The following PDXDC1 variants were observed in gnomAD, a reference collection of about 807,000 sequenced individuals.
PDXDC1 encodes the protein pyridoxal dependent decarboxylase domain containing 1.
In PDXDC1, 42 loss-of-function variants were observed where a neutral mutation model predicts 100.1. The observed-to-expected ratio is 0.42, with a 90% confidence interval of 0.33 to 0.54. PDXDC1 has a LOEUF of 0.54. Among genes scored for constraint, PDXDC1 ranks in the 20% least tolerant of loss-of-function variants. The pLI is 0.10. For synonymous variants in PDXDC1, 260 were observed against 371.7 expected, an observed-to-expected ratio of 0.70 and a Z score of 3.46; for missense variants, 636 against 979.2, an observed-to-expected ratio of 0.65 and a Z score of 4.68.
chr16:15,053,518 A>G (rs1291349935), intron 16 of PDXDC1, among the ~76,000 whole-genome samples: 4 of 152,254 alleles, frequency 2.6e-5, no homozygotes, highest in African/African-American at 9.6e-5. Context: ...AACCTTCATT[A>G]GGACTTTCAC....
intron 16 of PDXDC1, chr16:15,133,374 T>A (rs1442898024): frequency 9.7e-7 from 1 of 1,035,484 alleles, no homozygotes; most frequent in Non-Finnish European, 1.5e-6. Context: ...AGCCAGACTG[T>A]GAGCCCCATT....
At chr16:15,132,944 C>T (rs1332360952) in intron 16 of PDXDC1, 29 of 1,574,688 alleles carry the variant, frequency 1.8e-5, no homozygotes, top group Middle Eastern at 2.3e-4. Flanking sequence ...CAGATGCCCA[C>T]GACTCCCGGG....
intron 16 of PDXDC1, chr16:15,083,477 C>T: frequency 6.2e-7 from 1 of 1,606,178 alleles, no homozygotes; most frequent in Non-Finnish European, 8.5e-7. Context: ...GTACAAACAA[C>T]TTTTCCATGA....
At chr16:15,094,716 T>A (rs1156333229) in intron 16 of PDXDC1, 1 of 165,866 alleles carries the variant, frequency 6.0e-6, no homozygotes, top group Non-Finnish European at 1.3e-5. Flanking sequence ...AAGATAACGT[T>A]ATCCTCACGG....
downstream of PDXDC1, chr16:15,040,229 C>A (rs1567754738): frequency 6.7e-6 from 3 of 445,122 alleles, no homozygotes; most frequent in Admixed American, 1.3e-4. Context: ...AAAATGCAAC[C>A]TTTACCCCAA....
chr16:15,133,736 G>A (rs956328977), intron 16 of PDXDC1: 2 of 1,595,972 alleles, frequency 1.3e-6, no homozygotes, highest in Non-Finnish European at 1.7e-6. Flanking sequence ...TCACGGGAGG[G>A]CTCCGTGACG....
At chr16:15,133,029 C>G in intron 16 of PDXDC1, 1 of 1,096,808 alleles carries the variant, frequency 9.1e-7, no homozygotes, top group Non-Finnish European at 1.3e-6. Context: ...ATGGGCAAAA[C>G]AGGGTAAGCA....
intron 16 of PDXDC1, among the ~76,000 whole-genome samples, chr16:15,124,933 G>A (rs1331842237): frequency 5.3e-5 from 8 of 151,638 alleles, no homozygotes; most frequent in Non-Finnish European, 1.0e-4. Flanking sequence ...CGGATCACGA[G>A]GTTAGGAGTT....
chr16:15,124,000 G>T (rs1567288321), intron 16 of PDXDC1, among the ~76,000 whole-genome samples: 1 of 151,962 alleles, frequency 6.6e-6, no homozygotes, highest in Non-Finnish European at 1.5e-5. Context: ...CTGCCCGTGT[G>T]TGTGGACTTT....
chr16:15,061,673 A>G (rs2044715535), intron 16 of PDXDC1: 3 of 1,466,798 alleles, frequency 2.0e-6, no homozygotes, highest in Non-Finnish European at 2.8e-6. Flanking sequence ...CAATGGCACA[A>G]GCTGGGTGCT....
intron 19 of PDXDC1, among the ~76,000 whole-genome samples, chr16:15,033,785 A>T (rs2043220231): frequency 6.6e-6 from 1 of 151,990 alleles, no homozygotes; most frequent in Non-Finnish European, 1.5e-5. Flanking sequence ...TTCCCCCTAC[A>T]CCCCTTCCCT....
intron 16 of PDXDC1, among the ~76,000 whole-genome samples, chr16:15,089,342 C>A (rs1324428272): frequency 6.6e-6 from 1 of 152,038 alleles, no homozygotes; most frequent in Non-Finnish European, 1.5e-5. Flanking sequence ...CAAGAGCAAT[C>A]TTGGCTACAG....
Position 15,130,927 on chromosome 16 carries a change from T to C in PDXDC1, c.1400-7952T>C. ...GAGCCTCTGCACCAGAGCTGGCACC[T>C]GCTTCTCCGTGGCCCCCAGCTCCTC... On this transcript the variant is annotated intron_variant, in intron 16 of 16. Coordinates refer to the PDXDC1 transcript ENST00000535621. 1.1e-5 allele frequency: 8 copies of C among 702,854 alleles called. No individual in the cohort carries two copies. In the South Asian group the frequency reaches 1.3e-4, roughly 12 times the overall value. 43.5% of individuals were successfully genotyped at this position (702,854 alleles called of 1,614,324 possible).
chr16:15,052,613 C>T (rs747605642), intron 16 of PDXDC1, among the ~76,000 whole-genome samples: 3 of 152,170 alleles, frequency 2.0e-5, no homozygotes, highest in Non-Finnish European at 4.4e-5. Context: ...GCGAGATGAT[C>T]GCTTGAGGTC....
intron 8 of PDXDC1, among the ~76,000 whole-genome samples, chr16:15,014,369 C>T (rs1396873371): frequency 6.6e-6 from 1 of 152,282 alleles, no homozygotes; most frequent in Non-Finnish European, 1.5e-5. Context: ...GACTGAGTGA[C>T]TTGCCAGTGT....
chr16:15,128,302 C>T (rs747785421), intron 16 of PDXDC1: 69 of 1,609,858 alleles, frequency 4.3e-5, no homozygotes, highest in Middle Eastern at 4.5e-4. Context: ...CAGGCTGTTG[C>T]GGTGGAAGGC....
intron 16 of PDXDC1, among the ~76,000 whole-genome samples, chr16:15,078,725 G>C: frequency 6.6e-6 from 1 of 151,744 alleles, no homozygotes. Context: ...GACTGCCTGT[G>C]AGTATTCTCT....
chr16:15,055,315 T>C (rs1183878894), intron 16 of PDXDC1, among the ~76,000 whole-genome samples: 2 of 152,208 alleles, frequency 1.3e-5, no homozygotes, highest in South Asian at 2.1e-4. Flanking sequence ...CGTGGTCCTA[T>C]GGCCCAGCTG....
intron 16 of PDXDC1, among the ~76,000 whole-genome samples, chr16:15,099,037 C>T (rs1276433980): frequency 1.3e-5 from 2 of 152,160 alleles, no homozygotes; most frequent in African/African-American, 4.8e-5. Flanking sequence ...TCTTCTTAAG[C>T]TTGAGTGCAG....
Sources: allele counts gnomAD v4.1 joint callset (sites outside exome capture counted in the v4.1 genomes callset), GRCh38; gene constraint gnomAD v4.1.1; transcripts MANE v1.5; gene names NCBI Gene and HGNC (gene_info 2026-07-23, HGNC 2026-07-21).